Variants in SPAG16 observed in about 807,000 individuals in gnomAD.
The protein encoded by SPAG16 is sperm associated antigen 16.
SPAG16 carries 86 observed loss-of-function variants against 80.4 expected under a neutral mutation model. That is an observed-to-expected ratio of 1.07 (90% CI 0.90 to 1.28). The LOEUF (loss-of-function observed/expected upper bound fraction) is 1.28, where lower values mean the gene tolerates loss of function less well. Among genes scored for constraint, SPAG16 ranks in the 50% most tolerant of loss-of-function variants. The pLI is 0.00. For missense variants in SPAG16, 870 were observed against 765.3 expected (o/e 1.14, Z -1.61); for synonymous variants, 294 against 265.9 (o/e 1.11, Z -1.03).
chr2:214,195,829 T>C (rs2057820605), intron 15 of SPAG16, among the ~76,000 whole-genome samples: 1 of 152,008 alleles, frequency 6.6e-6, no homozygotes, highest in Admixed American at 6.6e-5. Context: ...TGACGGGGAA[T>C]TTCAAGCTGG....
chr2:214,291,999 G>C (rs1015742488), intron 15 of SPAG16, among the ~76,000 whole-genome samples: 2 of 152,130 alleles, frequency 1.3e-5, no homozygotes, highest in Admixed American at 1.3e-4. Flanking sequence ...CTTTATTGAT[G>C]AAGAATAATT....
chr2:214,105,239 C>A (rs2053321735), intron 13 of SPAG16, among the ~76,000 whole-genome samples: 1 of 151,944 alleles, frequency 6.6e-6, no homozygotes, highest in Non-Finnish European at 1.5e-5. Flanking sequence ...TTTAAGAAGG[C>A]AAATAGACAT....
intron 9 of SPAG16, among the ~76,000 whole-genome samples, chr2:213,479,456 TTTTG>T (rs934083720): frequency 3.3e-5 from 5 of 152,036 alleles, no homozygotes; most frequent in African/African-American, 7.2e-5. Flanking sequence ...ATTGAGATCT[TTTTG>T]TTTGTGTGTG....
chr2:214,168,395 C>T (rs1367040672), intron 15 of SPAG16, among the ~76,000 whole-genome samples: 1 of 152,016 alleles, frequency 6.6e-6, no homozygotes, highest in Non-Finnish European at 1.5e-5. Context: ...TTCATATAAA[C>T]ATGGTGAATA....
chr2:213,416,046 G>T (rs376185252), intron 9 of SPAG16, among the ~76,000 whole-genome samples: 3 of 152,330 alleles, frequency 2.0e-5, no homozygotes, highest in East Asian at 1.9e-4. Flanking sequence ...TCAGTAGAAG[G>T]CCAGAAGGGA....
At chr2:214,162,939 C>T (rs543447191) in intron 15 of SPAG16, among the ~76,000 whole-genome samples, 4 of 152,092 alleles carry the variant, frequency 2.6e-5, no homozygotes, top group African/African-American at 4.8e-5. Flanking sequence ...GCAAAAAATG[C>T]ATTTCTGTGC....
At chr2:213,998,519 T>A (rs2046636215) in intron 12 of SPAG16, among the ~76,000 whole-genome samples, 1 of 152,180 alleles carries the variant, frequency 6.6e-6, no homozygotes, top group South Asian at 2.1e-4. Context: ...AAACCTTTTT[T>A]TCTTCCCATT....
intron 15 of SPAG16, among the ~76,000 whole-genome samples, chr2:214,182,434 A>C (rs1381208102): frequency 2.0e-5 from 3 of 151,874 alleles, no homozygotes; most frequent in Non-Finnish European, 4.4e-5. Context: ...TATGTGCGTT[A>C]CACAACTAAG....
intron 15 of SPAG16, among the ~76,000 whole-genome samples, chr2:214,362,651 A>G (rs752671684): frequency 3.3e-5 from 5 of 151,896 alleles, no homozygotes; most frequent in Admixed American, 3.3e-4. Context: ...TTTAACAATT[A>G]CTATTTAATG....
chr2:213,564,494 TAAA>T (rs77022819), intron 10 of SPAG16, among the ~76,000 whole-genome samples: 31 of 121,356 alleles, frequency 2.6e-4, no homozygotes, highest in African/African-American at 6.7e-4. Context: ...GACTCTGTCT[TAAA>T]AAAAAAAAAA....
At chr2:213,480,935 C>A (rs758843185) in intron 9 of SPAG16, among the ~76,000 whole-genome samples, 1 of 151,966 alleles carries the variant, frequency 6.6e-6, no homozygotes, top group Non-Finnish European at 1.5e-5. Context: ...TAATTATTAA[C>A]CTGTTAGCAT....
chr2:213,577,175 A>G (rs181516327), intron 10 of SPAG16, among the ~76,000 whole-genome samples: 24 of 152,290 alleles, frequency 1.6e-4, no homozygotes, highest in Admixed American at 1.4e-3. Context: ...AATCAACATT[A>G]TATACTCTTT....
At chr2:214,164,900 A>G (rs1223118796) in intron 15 of SPAG16, among the ~76,000 whole-genome samples, 2 of 152,128 alleles carry the variant, frequency 1.3e-5, no homozygotes, top group East Asian at 3.9e-4. Context: ...AGAGACAGCA[A>G]TTAATAATAT....
chr2:213,691,437 T>G (rs1453469076), intron 10 of SPAG16, among the ~76,000 whole-genome samples: 2 of 152,192 alleles, frequency 1.3e-5, no homozygotes, highest in African/African-American at 2.4e-5. Flanking sequence ...TAAGCCTACA[T>G]TTGACAACCA....
intron 10 of SPAG16, among the ~76,000 whole-genome samples, chr2:213,493,199 A>G (rs568627694): frequency 1.3e-5 from 2 of 152,350 alleles, no homozygotes; most frequent in South Asian, 2.1e-4. Context: ...GACAAGCACG[A>G]CCTAGGATAA....
intron 10 of SPAG16, among the ~76,000 whole-genome samples, chr2:213,551,291 A>G (rs1013303908): frequency 1.3e-5 from 2 of 152,232 alleles, no homozygotes; most frequent in African/African-American, 2.4e-5. Flanking sequence ...TCATTGCACA[A>G]TATGGCTTAT....
At chr2:214,280,655 C>A in intron 15 of SPAG16, 1 of 294,558 alleles carries the variant, frequency 3.4e-6, no homozygotes, top group South Asian at 4.4e-5. Context: ...GTAGCCTGCC[C>A]CTGAGCTGTG....
intron 15 of SPAG16, among the ~76,000 whole-genome samples, chr2:214,249,531 A>G (rs17766671): frequency 0.013 from 1,971 of 152,290 alleles, 21 homozygotes; most frequent in Non-Finnish European, 0.02. Flanking sequence ...TAACATGTCA[A>G]CAAATTCATT....
intron 9 of SPAG16, among the ~76,000 whole-genome samples, chr2:213,378,341 C>T (rs906320217): frequency 3.9e-5 from 6 of 152,224 alleles, no homozygotes; most frequent in Non-Finnish European, 8.8e-5. Context: ...CACAAGTCCC[C>T]GCCTTGTCAA....
Sources: gnomAD v4.1 joint callset for allele counts (sites outside exome capture counted in the v4.1 genomes callset) on GRCh38, gnomAD v4.1.1 for gene constraint, MANE v1.5 for transcripts, NCBI Gene and HGNC (gene_info 2026-07-23, HGNC 2026-07-21) for gene names.